Variants in GRM7 observed in about 807,000 individuals in gnomAD.
The protein encoded by GRM7 is glutamate metabotropic receptor 7.
GRM7 carries 35 observed loss-of-function variants against 84.5 expected under a neutral mutation model. The ratio of observed to expected loss-of-function variants is 0.41; its 90% CI spans 0.32 to 0.55. GRM7 has a LOEUF of 0.55. Among genes scored for constraint, GRM7 ranks in the 20% least tolerant of loss-of-function variants. GRM7 has a pLI of 0.19. For missense variants in GRM7, 1,003 were observed against 1,194.6 expected, an observed-to-expected ratio of 0.84 and a Z score of 2.36; for synonymous variants, 487 against 455.1, an observed-to-expected ratio of 1.07 and a Z score of -0.89.
chr3:7,555,335 A>G (rs371096018), intron 7 of GRM7, among the ~76,000 whole-genome samples: 50 of 152,326 alleles, frequency 3.3e-4, no homozygotes, highest in African/African-American at 1.2e-3. Flanking sequence ...ATTCCCCACA[A>G]GCCATCTCAA....
intron 7 of GRM7, among the ~76,000 whole-genome samples, chr3:7,467,587 C>T (rs1463117733): frequency 2.6e-5 from 4 of 151,950 alleles, no homozygotes; most frequent in African/African-American, 9.7e-5. Flanking sequence ...GCGGTTGCTT[C>T]CTAGGGAGTC....
intron 7 of GRM7, among the ~76,000 whole-genome samples, chr3:7,535,454 G>A (rs1002473808): frequency 2.6e-5 from 4 of 152,196 alleles, no homozygotes; most frequent in African/African-American, 9.6e-5. Flanking sequence ...CCACTACTGG[G>A]TGTGGAGAAG....
intron 4 of GRM7, among the ~76,000 whole-genome samples, chr3:7,377,033 A>G (rs1694380773): frequency 6.6e-6 from 1 of 152,192 alleles, no homozygotes; most frequent in African/African-American, 2.4e-5. Flanking sequence ...GTAGACCCAA[A>G]TACACTTTAG....
At chr3:7,664,918 C>T (rs1575607499) in intron 8 of GRM7, among the ~76,000 whole-genome samples, 1 of 152,170 alleles carries the variant, frequency 6.6e-6, no homozygotes, top group East Asian at 1.9e-4. Context: ...CACACATCAG[C>T]AGAATCAGAC....
intron 9 of GRM7, among the ~76,000 whole-genome samples, chr3:7,710,240 A>C (rs1436840934): frequency 1.3e-5 from 2 of 152,188 alleles, no homozygotes; most frequent in African/African-American, 4.8e-5. Context: ...ATCTGTAATC[A>C]GACTCATTAT....
At chr3:7,695,064 G>T (rs751943340) in intron 9 of GRM7, among the ~76,000 whole-genome samples, 4 of 152,160 alleles carry the variant, frequency 2.6e-5, no homozygotes, top group Non-Finnish European at 5.9e-5. Context: ...GTATTAAAAT[G>T]ATTGATTTTT....
Position 7,024,160 on chromosome 3 carries a change from C to A in GRM7, c.520-122292C>A, listed in dbSNP as rs1351130583. Among the ~76,000 whole-genome samples the A allele has an allele frequency of 3.3e-5, 5 of 152,288 alleles. No homozygotes were observed. In the East Asian group the frequency reaches 9.7e-4, roughly 29 times the overall value. On this transcript the variant is annotated intron_variant, in intron 1 of 9. Coordinates refer to ENST00000357716, the MANE Select transcript of GRM7 (RefSeq NM_000844.4). ...TTTCTTTCAGGCAGCAGTGGTTTCTCTTCAAATCCTCCTTTCATCTTATTT... is the reference window on the plus strand; with the variant it reads ...TTTCTTTCAGGCAGCAGTGGTTTCTATTCAAATCCTCCTTTCATCTTATTT...
intron 1 of GRM7, among the ~76,000 whole-genome samples, chr3:7,090,962 A>G (rs1185426948): frequency 6.6e-6 from 1 of 152,212 alleles, no homozygotes; most frequent in Non-Finnish European, 1.5e-5. Flanking sequence ...AAGAAATAGA[A>G]TAGAGAAGAC....
At chr3:7,195,071 C>T (rs532218098) in intron 2 of GRM7, among the ~76,000 whole-genome samples, 19 of 152,140 alleles carry the variant, frequency 1.2e-4, no homozygotes, top group Non-Finnish European at 2.5e-4. Context: ...TGCAATCAGT[C>T]ATCCGGTCCC....
chr3:7,393,553 G>C (rs1230166362), intron 4 of GRM7, among the ~76,000 whole-genome samples: 1 of 152,090 alleles, frequency 6.6e-6, no homozygotes, highest in Non-Finnish European at 1.5e-5. Context: ...TCTTTTCTCT[G>C]GTGAATCTGA....
At chr3:7,092,407 T>G (rs567887192) in intron 1 of GRM7, among the ~76,000 whole-genome samples, 5 of 152,212 alleles carry the variant, frequency 3.3e-5, no homozygotes, top group Non-Finnish European at 7.3e-5. Flanking sequence ...TACTTGGTAC[T>G]TTAATGAGTC....
chr3:7,433,085 T>G (rs2124852807), intron 5 of GRM7, among the ~76,000 whole-genome samples: 1 of 152,334 alleles, frequency 6.6e-6, no homozygotes, highest in South Asian at 2.1e-4. Context: ...AAACCTTCTA[T>G]GGACACAATA....
intron 1 of GRM7, among the ~76,000 whole-genome samples, chr3:6,870,930 GA>G (rs1486647625): frequency 6.6e-6 from 1 of 152,162 alleles, no homozygotes; most frequent in Non-Finnish European, 1.5e-5. Flanking sequence ...TAGGTCCGAA[GA>G]AAGATCTGAA....
At chr3:7,045,895 C>G (rs1384844423) in intron 1 of GRM7, among the ~76,000 whole-genome samples, 1 of 152,036 alleles carries the variant, frequency 6.6e-6, no homozygotes, top group African/African-American at 2.4e-5. Flanking sequence ...GATATATACC[C>G]AGAAGTGGAT....
Position 7,403,811 on chromosome 3 carries a change from A to G in GRM7, c.1034-11212A>G, listed in dbSNP as rs569789747. 8.4e-4 allele frequency among the ~76,000 whole-genome samples: 127 copies of G among 151,302 alleles called. 3 individuals carry two copies. Among genetic ancestry groups the G allele is most frequent in the South Asian group, 7.9e-3 (38 of 4,800 alleles). Reference sequence around the variant, plus strand: ...TGTGAATATATGTATATATATAAGAATATGTGTGTGTGGATGGATGGATAG... The same window carrying G: ...TGTGAATATATGTATATATATAAGAGTATGTGTGTGTGGATGGATGGATAG... On this transcript the variant is annotated intron_variant, in intron 4 of 9. Coordinates refer to ENST00000357716, the MANE Select transcript of GRM7 (RefSeq NM_000844.4).
rs1036317660 is a variant in GRM7 at position 7,099,509 on chromosome 3, C to T, written c.520-46943C>T. Among the ~76,000 whole-genome samples, 4 of 147,388 alleles carry T rather than the reference C, an allele frequency of 2.7e-5. No homozygotes were observed. In the East Asian group the frequency reaches 7.9e-4, roughly 29 times the overall value. ...TATGTACACGCATTATACATGTACA[C>T]ATATATGTATATGTACACGCATTAT... On this transcript the variant is annotated intron_variant, in intron 1 of 9. Transcript: ENST00000357716.
intron 1 of GRM7, among the ~76,000 whole-genome samples, chr3:7,124,438 G>A (rs985943889): frequency 1.2e-4 from 18 of 152,124 alleles, no homozygotes; most frequent in African/African-American, 2.9e-4. Flanking sequence ...CCCGGGAGGC[G>A]GAGGTTGCAG....
intron 7 of GRM7, among the ~76,000 whole-genome samples, chr3:7,481,668 G>T (rs1699133951): frequency 6.6e-6 from 1 of 152,172 alleles, no homozygotes; most frequent in Admixed American, 6.5e-5. Flanking sequence ...TACATTTTAT[G>T]ATAATTTGGG....
intron 1 of GRM7, among the ~76,000 whole-genome samples, chr3:7,081,660 T>C (rs1405320639): frequency 3.9e-5 from 6 of 152,114 alleles, no homozygotes; most frequent in Non-Finnish European, 8.8e-5. Context: ...AAAGCTGAGA[T>C]AGGCCAAAAT....
Sources: allele counts gnomAD v4.1 joint callset (sites outside exome capture counted in the v4.1 genomes callset), GRCh38; gene constraint gnomAD v4.1.1; transcripts MANE v1.5; gene names NCBI Gene and HGNC (gene_info 2026-07-23, HGNC 2026-07-21).